Variants in RASAL2 observed in about 807,000 individuals in gnomAD.
RASAL2 encodes the protein ras GTPase-activating protein nGAP.
Under a neutral mutation model 128.9 loss-of-function variants are expected in RASAL2, and 58 were observed. The observed-to-expected ratio is 0.45, with a 90% confidence interval of 0.36 to 0.56. The LOEUF is 0.56. Among genes scored for constraint, RASAL2 ranks in the 20% least tolerant of loss-of-function variants. The pLI is 0.00. For missense variants in RASAL2, 1,360 were observed against 1,601.6 expected (o/e 0.85, Z 2.57); for synonymous variants, 561 against 580.8 (o/e 0.97, Z 0.49).
intron 1 of RASAL2, among the ~76,000 whole-genome samples, chr1:178,238,026 C>T (rs1664331358): frequency 6.6e-6 from 1 of 152,116 alleles, no homozygotes; most frequent in Admixed American, 6.5e-5. Flanking sequence ...ACAAGCACAC[C>T]ACAATTTTAG....
intron 1 of RASAL2, among the ~76,000 whole-genome samples, chr1:178,239,133 T>C (rs1664385441): frequency 6.6e-6 from 1 of 152,136 alleles, no homozygotes. Context: ...AGAAACCCTA[T>C]TCTATCTATG....
intron 3 of RASAL2, among the ~76,000 whole-genome samples, chr1:178,380,095 C>T (rs115514771): frequency 0.023 from 3,504 of 152,204 alleles, 64 homozygotes; most frequent in Middle Eastern, 0.058. Flanking sequence ...CACCAGGTTG[C>T]CCAGGCTGGT....
intron 1 of RASAL2, among the ~76,000 whole-genome samples, chr1:178,255,914 T>C (rs1232312807): frequency 6.6e-6 from 1 of 152,050 alleles, no homozygotes; most frequent in Admixed American, 6.5e-5. Context: ...GGATTAAAAA[T>C]AAGAATCAAC....
intron 1 of RASAL2, among the ~76,000 whole-genome samples, chr1:178,148,535 A>G (rs192141520): frequency 4.7e-5 from 7 of 148,790 alleles, no homozygotes; most frequent in Admixed American, 2.7e-4. Context: ...TGCAGCTTCA[A>G]CCTCCTGGGC....
At chr1:178,425,723 T>C (rs1288647187) in intron 5 of RASAL2, among the ~76,000 whole-genome samples, 1 of 152,132 alleles carries the variant, frequency 6.6e-6, no homozygotes, top group Non-Finnish European at 1.5e-5. Context: ...CCAGAAAAGA[T>C]GGGCCCATAA....
chr1:178,109,108 C>T (rs7555451), intron 1 of RASAL2, among the ~76,000 whole-genome samples: 2,755 of 152,218 alleles, frequency 0.018, 76 homozygotes, highest in African/African-American at 0.059. Context: ...TGGGACATAG[C>T]TTTATTTACT....
chr1:178,260,755 C>T (rs1365448743), intron 1 of RASAL2, among the ~76,000 whole-genome samples: 1 of 152,088 alleles, frequency 6.6e-6, no homozygotes, highest in African/African-American at 2.4e-5. Context: ...TCCACTCCTT[C>T]TGTGAAACCT....
At chr1:178,404,684 ATTT>A (rs61625303) in intron 4 of RASAL2, among the ~76,000 whole-genome samples, 9,884 of 110,224 alleles carry the variant, frequency 0.09, 416 homozygotes, top group Middle Eastern at 0.14. Flanking sequence ...TGGCCCCCCA[ATTT>A]TTTTTTTTTT....
Position 178,103,345 on chromosome 1 carries a change from T to G in RASAL2, c.202+8651T>G, listed in dbSNP as rs116475452. Among the ~76,000 whole-genome samples the G allele has an allele frequency of 2.5e-3, 375 of 152,288 alleles. 3 individuals carry two copies. Among genetic ancestry groups the G allele is most frequent in the African/African-American group, 8.7e-3 (362 of 41,572 alleles). ...GTTCAAGTGATTTTGCAGTGAATGA[T>G]CTTGAGTATAAGCCATTTTGCTTGT... is the stretch of plus-strand genomic sequence containing the variant. On this transcript the variant is annotated intron_variant, in intron 1 of 17. Coordinates refer to ENST00000367649, the MANE Select transcript of RASAL2 (RefSeq NM_170692.4).
At position 178,358,246 on chromosome 1, in the gene RASAL2, A is replaced by T. The variant is rs1207409887; in HGVS notation, c.458-31854A>T. ...GTGAGACTCTGTCTCCTAAAAAAAA[A>T]AAAAAAAAAAAAAAAAAAAAGGAAA... is the stretch of plus-strand genomic sequence containing the variant. On this transcript the variant is annotated intron_variant, in intron 3 of 17. Transcript: ENST00000367649. 7.3e-5 allele frequency among the ~76,000 whole-genome samples: 10 copies of T among 137,426 alleles called. 1 individual carries two copies. Among genetic ancestry groups the T allele is most frequent in the African/African-American group, 3.4e-4 (10 of 29,740 alleles). 90.2% of individuals were successfully genotyped at this position (137,426 alleles called of 152,430 possible).
chr1:178,320,106 GGGGGTCA>G (rs1668685274), intron 3 of RASAL2, among the ~76,000 whole-genome samples: 1 of 151,824 alleles, frequency 6.6e-6, no homozygotes, highest in Non-Finnish European at 1.5e-5. Flanking sequence ...TAGGCTGCTC[GGGGGTCA>G]GGGGTCAGGG....
chr1:178,460,770 G>A (rs1312816814), intron 14 of RASAL2, among the ~76,000 whole-genome samples: 1 of 151,702 alleles, frequency 6.6e-6, no homozygotes, highest in East Asian at 1.9e-4. Context: ...TTCCTACACT[G>A]GCTTTTGGTT....
chr1:178,247,280 C>G (rs534854413), intron 1 of RASAL2, among the ~76,000 whole-genome samples: 3 of 152,138 alleles, frequency 2.0e-5, no homozygotes, highest in Admixed American at 2.0e-4. Context: ...TGACTTCTTC[C>G]TGGTTTAGTC....
intron 4 of RASAL2, among the ~76,000 whole-genome samples, chr1:178,419,569 A>G (rs1022588519): frequency 6.6e-6 from 1 of 152,206 alleles, no homozygotes; most frequent in Non-Finnish European, 1.5e-5. Flanking sequence ...GACTACAGGC[A>G]TGAGCTACCG....
chr1:178,177,626 G>A (rs1661939070), intron 1 of RASAL2, among the ~76,000 whole-genome samples: 1 of 152,180 alleles, frequency 6.6e-6, no homozygotes, highest in Non-Finnish European at 1.5e-5. Flanking sequence ...AGTGGAAAAA[G>A]CACTGGAAGA....
intron 3 of RASAL2, among the ~76,000 whole-genome samples, chr1:178,335,288 A>G (rs543468219): frequency 6.6e-6 from 1 of 152,304 alleles, no homozygotes; most frequent in East Asian, 1.9e-4. Flanking sequence ...CAAAGACTAT[A>G]TATTTGTAAT....
intron 1 of RASAL2, among the ~76,000 whole-genome samples, chr1:178,274,382 G>A (rs1007684933): frequency 5.9e-5 from 9 of 152,084 alleles, no homozygotes; most frequent in Non-Finnish European, 1.0e-4. Flanking sequence ...AAAGAGGCAA[G>A]CATGAGAATA....
At chr1:178,292,195 G>C (rs1218470422) in intron 2 of RASAL2, among the ~76,000 whole-genome samples, 3 of 152,060 alleles carry the variant, frequency 2.0e-5, no homozygotes, top group East Asian at 1.9e-4. Context: ...CATCATGGGG[G>C]TGTTTATTGC....
chr1:178,422,354 A>T (rs1572045725), intron 5 of RASAL2, among the ~76,000 whole-genome samples: 2 of 152,148 alleles, frequency 1.3e-5, no homozygotes, highest in Admixed American at 1.3e-4. Flanking sequence ...GACTTTTATA[A>T]TGTTAATGCT....
Sources: allele counts gnomAD v4.1 joint callset (sites outside exome capture counted in the v4.1 genomes callset), GRCh38; gene constraint gnomAD v4.1.1; transcripts MANE v1.5; gene names NCBI Gene and HGNC (gene_info 2026-07-23, HGNC 2026-07-21).